RPAP2: variants seen among roughly 807,000 people sequenced by gnomAD.
RPAP2 encodes putative RNA polymerase II subunit B1 CTD phosphatase RPAP2.
In RPAP2, 52 loss-of-function variants were observed where a neutral mutation model predicts 73.1. The ratio of observed to expected loss-of-function variants is 0.71; its 90% CI spans 0.57 to 0.90. The LOEUF (loss-of-function observed/expected upper bound fraction) is 0.90. Among genes scored for constraint, RPAP2 ranks in the 40% least tolerant of loss-of-function variants. RPAP2 has a pLI of 0.00. For synonymous variants in RPAP2, 225 were observed against 242.1 expected (o/e 0.93, Z 0.65); for missense variants, 598 against 701.8 (o/e 0.85, Z 1.67).
chr1:92,329,190 C>T (rs1434901714), intron 8 of RPAP2, among the ~76,000 whole-genome samples: 1 of 152,158 alleles, frequency 6.6e-6, no homozygotes, highest in Admixed American at 6.5e-5. Context: ...GCTCTGGGGT[C>T]AGGCAGTGGG....
At chr1:92,384,158 A>T (rs1655766944) in intron 12 of RPAP2, among the ~76,000 whole-genome samples, 1 of 150,986 alleles carries the variant, frequency 6.6e-6, no homozygotes, top group Admixed American at 6.6e-5. Context: ...GGGTTTCACC[A>T]TGTTGGCCAG....
intron 12 of RPAP2, among the ~76,000 whole-genome samples, chr1:92,384,334 A>G (rs544393717): frequency 6.6e-6 from 1 of 152,088 alleles, no homozygotes; most frequent in East Asian, 1.9e-4. Context: ...TTAAGAAAGA[A>G]TACCAGACCG....
At chr1:92,309,048 A>G (rs1651414391) in intron 6 of RPAP2, among the ~76,000 whole-genome samples, 1 of 152,162 alleles carries the variant, frequency 6.6e-6, no homozygotes, top group South Asian at 2.1e-4. Flanking sequence ...CAGAATGCTC[A>G]CTGTTTCCCA....
chr1:92,380,653 A>G, intron 11 of RPAP2, 71 bp from the exon 12 acceptor site: 1 of 1,074,014 alleles, frequency 9.3e-7, no homozygotes, highest in African/African-American at 1.6e-5. Context: ...TTTCTCTGCC[A>G]TGTTGAAGAT....
intron 5 of RPAP2, among the ~76,000 whole-genome samples, chr1:92,305,127 A>G (rs1173790899): frequency 6.7e-6 from 1 of 150,010 alleles, no homozygotes; most frequent in Admixed American, 6.6e-5. Context: ...AGAGCAAGAC[A>G]CTGTCTTCAA....
chr1:92,316,208 C>T (rs1651895156), intron 6 of RPAP2, among the ~76,000 whole-genome samples: 1 of 152,076 alleles, frequency 6.6e-6, no homozygotes, highest in Admixed American at 6.5e-5. Context: ...TCATCTGGTC[C>T]AGAGTAGGGG....
chr1:92,332,033 G>GT (rs1037974423), intron 8 of RPAP2, among the ~76,000 whole-genome samples: 377 of 150,314 alleles, frequency 2.5e-3, no homozygotes, highest in African/African-American at 8.0e-3. Flanking sequence ...TTCTTTTAAG[G>GT]TTTTTTTTTG....
intron 11 of RPAP2, among the ~76,000 whole-genome samples, chr1:92,361,470 A>G (rs905850814): frequency 6.6e-6 from 1 of 152,162 alleles, no homozygotes; most frequent in Non-Finnish European, 1.5e-5. Context: ...CATAGATTTG[A>G]TAACACTGGT....
rs180941288 is a variant in RPAP2 at position 92,375,956 on chromosome 1, C to T, written c.1689-4768C>T. Among the ~76,000 whole-genome samples the T allele has an allele frequency of 1.5e-3, 216 of 146,746 alleles. 3 individuals are homozygous for T. Among genetic ancestry groups the T allele is most frequent in the African/African-American group, 5.4e-3 (213 of 39,370 alleles). On this transcript the variant is annotated intron_variant, in intron 11 of 12. Transcript: ENST00000610020. ...CAGAGGTTGCAGTGAGCCAAGATAG[C>T]GCCATTGCACTCCACCCTGGGTGAC...
Position 92,387,061 on chromosome 1 carries a change from G to A in RPAP2, c.*50G>A. ...AGATGAACTTCTATTCACCGTTTCT[G>A]GAATTCTAGCCGCCATGATGGTCTG... On this transcript the variant is annotated 3_prime_UTR_variant, in exon 13 of 13. Coordinates refer to ENST00000610020, the MANE Select transcript of RPAP2 (RefSeq NM_024813.3). The A allele has an allele frequency of 6.4e-7, 1 of 1,557,342 alleles. No homozygotes were observed. Among genetic ancestry groups the A allele is most frequent in the Non-Finnish European group, 8.8e-7 (1 of 1,140,552 alleles).
intron 9 of RPAP2, among the ~76,000 whole-genome samples, chr1:92,334,217 G>A (rs1653136609): frequency 6.6e-6 from 1 of 152,154 alleles, no homozygotes; most frequent in Non-Finnish European, 1.5e-5. Context: ...ATTAACCAAG[G>A]CATAAAGAAG....
chr1:92,336,835 G>A (rs1367213228), intron 10 of RPAP2, among the ~76,000 whole-genome samples: 1 of 152,178 alleles, frequency 6.6e-6, no homozygotes, highest in South Asian at 2.1e-4. Context: ...GATCATGTGA[G>A]TACAGTAAAC....
chr1:92,309,495 C>T (rs1651451236), intron 6 of RPAP2, among the ~76,000 whole-genome samples: 1 of 151,600 alleles, frequency 6.6e-6, no homozygotes, highest in Non-Finnish European at 1.5e-5. Flanking sequence ...ACTTAATTTA[C>T]ATTTAAATTG....
In RPAP2 at chr1:92,397,426, A is replaced by G. The variant is rs1397365127; in HGVS notation, c.*10415A>G. ...ATTAAAAAATGAGGGAAGCTGCTGT[A>G]TCTCCACTTCTTCCCTCTCTGTGCC... On this transcript the variant is annotated 3_prime_UTR_variant, in exon 13 of 13. Transcript: ENST00000610020. The G allele has an allele frequency of 6.6e-6, 1 of 152,110 alleles. No homozygotes were observed. The highest frequency in any genetic ancestry group is 1.5e-5 in the Non-Finnish European group (1 of 68,052). 9.4% of individuals were successfully genotyped at this position (152,110 alleles called of 1,614,324 possible). A position where few individuals can be genotyped will look rare whatever the true frequency, so the allele number is the denominator to read the frequency against.
At chr1:92,370,979 G>A (rs1171360230) in intron 11 of RPAP2, among the ~76,000 whole-genome samples, 3 of 152,122 alleles carry the variant, frequency 2.0e-5, no homozygotes, top group African/African-American at 7.2e-5. Context: ...AATTAGTACA[G>A]CCATTATGGA....
At chr1:92,313,125 C>T (rs1292018972) in intron 6 of RPAP2, among the ~76,000 whole-genome samples, 3 of 152,196 alleles carry the variant, frequency 2.0e-5, no homozygotes, top group African/African-American at 7.2e-5. Context: ...CCTTGGCTTC[C>T]CAAAGTGTTG....
At chr1:92,369,954 G>A (rs1316961123) in intron 11 of RPAP2, among the ~76,000 whole-genome samples, 4 of 152,082 alleles carry the variant, frequency 2.6e-5, no homozygotes, top group East Asian at 1.9e-4. Context: ...GTGCGATCTC[G>A]GCTTACTGCA....
intron 11 of RPAP2, among the ~76,000 whole-genome samples, chr1:92,367,943 T>A (rs1405986387): frequency 6.6e-6 from 1 of 152,206 alleles, no homozygotes. Context: ...GTTTTGAAAG[T>A]CAGGTTTGCA....
rs1235217477 is a variant in RPAP2, at chr1:92,328,120, T to A, written c.1455+3745T>A. 3.9e-5 allele frequency among the ~76,000 whole-genome samples: 6 copies of A among 152,252 alleles called. 1 individual carries two copies. The South Asian group carries it at 8.3e-4, about 21-fold the overall frequency. On this transcript the variant is annotated intron_variant, in intron 8 of 12. Transcript: ENST00000610020. ...TTCATCTTGACTTTCGATAACCTGA[T>A]GACTATGTGCCGGGGCAATGATCTT...
Sources: gnomAD v4.1 joint callset for allele counts (sites outside exome capture counted in the v4.1 genomes callset) on GRCh38, gnomAD v4.1.1 for gene constraint, MANE v1.5 for transcripts, NCBI Gene and HGNC (gene_info 2026-07-23, HGNC 2026-07-21) for gene names.